HEATR6: variants seen among roughly 807,000 people sequenced by gnomAD.
HEATR6 encodes HEAT repeat-containing protein 6.
A neutral mutation model predicts 132.8 loss-of-function variants in HEATR6; 106 were observed. That is an observed-to-expected ratio of 0.80 (90% CI 0.68 to 0.94). The LOEUF is 0.94. HEATR6 is among the 40% of genes least tolerant of loss of function. HEATR6 has a pLI of 0.00. For synonymous variants in HEATR6, 529 were observed against 537.8 expected, an observed-to-expected ratio of 0.98 and a Z score of 0.23; for missense variants, 1,339 against 1,425.1, an observed-to-expected ratio of 0.94 and a Z score of 0.97.
At chr17:60,073,926 A>T in intron 2 of HEATR6, 40 bp from the exon 3 acceptor site, 1 of 1,595,430 alleles carries the variant, frequency 6.3e-7, no homozygotes, top group South Asian at 1.1e-5. Context: ...TCTAACTTTT[A>T]AAAAATATTA....
chr17:60,078,277 G>A (rs777245292), intron 1 of HEATR6, among the ~76,000 whole-genome samples: 1 of 152,208 alleles, frequency 6.6e-6, no homozygotes, highest in Non-Finnish European at 1.5e-5. Flanking sequence ...ACGAGCTTCA[G>A]TATTTTCATT....
intron 9 of HEATR6, among the ~76,000 whole-genome samples, chr17:60,062,182 A>T (rs1430276095): frequency 6.6e-6 from 1 of 152,248 alleles, no homozygotes; most frequent in Non-Finnish European, 1.5e-5. Flanking sequence ...TGAATCTGGT[A>T]CAAGTTTTGC....
At chr17:60,072,140 C>T (rs1049374050) in intron 5 of HEATR6, 75 bp downstream of exon 5, 16 of 615,356 alleles carry the variant, frequency 2.6e-5, no homozygotes, top group South Asian at 4.2e-5. Flanking sequence ...GCAAATTAAA[C>T]TCGTTAGTAA....
rs750330410 is a variant in HEATR6, at chr17:60,050,947, C to G, written c.2320G>C (p.Gly774Arg). 7.4e-6 allele frequency: 12 copies of G among 1,614,036 alleles called. No homozygotes were observed. In the Admixed American group the frequency reaches 1.7e-4, roughly 22 times the overall value. ...TTCTGCAGGGCTCTGGGTAAAGGAC[C>G]GTTCAGCATCATAGTCCAGAACATC... Reference protein sequence around the residue: ...VVMFWTMMLNGPLPRALQNSE... With the variant: ...VVMFWTMMLNRPLPRALQNSE... The change falls in exon 15 of 20, where the codon GGT becomes CGT. Residue 774 changes from glycine to arginine, a missense_variant. Transcript: ENST00000184956.
rs746518007 is a variant in HEATR6 at position 60,050,830 on chromosome 17, A to C, written c.2424+13T>G. On this transcript the variant is annotated intron_variant, in intron 15 of 19. Coordinates refer to ENST00000184956, the MANE Select transcript of HEATR6 (RefSeq NM_022070.5). ...AGCCATGATTTAAGGGTGAGAAAAC[A>C]CCCTCACATTACCGGCAGATTGCTG... is the stretch of plus-strand genomic sequence containing the variant. 8.7e-6 allele frequency: 14 copies of C among 1,613,930 alleles called. No homozygotes were observed. The highest frequency in any genetic ancestry group is 1.2e-5 in the Non-Finnish European group (14 of 1,179,882).
At chr17:60,056,831 A>C (rs966669201) in intron 12 of HEATR6, among the ~76,000 whole-genome samples, 5 of 152,336 alleles carry the variant, frequency 3.3e-5, no homozygotes, top group Admixed American at 6.5e-5. Flanking sequence ...AATAATTTGC[A>C]ATCAAAGAAC....
At chr17:60,049,009 T>TATA (rs1555666989) in intron 16 of HEATR6, among the ~76,000 whole-genome samples, 1 of 137,132 alleles carries the variant, frequency 7.3e-6, no homozygotes, top group Non-Finnish European at 1.6e-5. Context: ...TATATATATA[T>TATA]ATATATATAT....
intron 8 of HEATR6, among the ~76,000 whole-genome samples, chr17:60,066,696 TCCATCCATCC>T (rs750760238): frequency 5.3e-5 from 8 of 152,186 alleles, no homozygotes; most frequent in Non-Finnish European, 8.8e-5. Context: ...CTGCCGAGTA[TCCATCCATCC>T]ATTCAACGAA....
chr17:60,055,388 G>T, intron 14 of HEATR6, 127 bp downstream of exon 14: 1 of 573,736 alleles, frequency 1.7e-6, no homozygotes, highest in Non-Finnish European at 3.0e-6. Flanking sequence ...ATGTTTTCCT[G>T]GATTATAAAA....
intron 19 of HEATR6, among the ~76,000 whole-genome samples, chr17:60,044,881 T>G (rs1323717765): frequency 6.6e-6 from 1 of 152,232 alleles, no homozygotes; most frequent in African/African-American, 2.4e-5. Context: ...AATGGGCCAC[T>G]GCTAGAGCTA....
intron 9 of HEATR6, 44 bp downstream of exon 9, chr17:60,066,165 A>AT (rs938207945): frequency 1.1e-5 from 17 of 1,498,886 alleles, no homozygotes; most frequent in Non-Finnish European, 1.2e-5. Flanking sequence ...GGATCTGTAA[A>AT]TTTTTTCTTC....
intron 18 of HEATR6, among the ~76,000 whole-genome samples, chr17:60,046,550 G>A (rs1906373490): frequency 2.0e-5 from 3 of 152,174 alleles, no homozygotes; most frequent in African/African-American, 7.2e-5. Flanking sequence ...ACAATGAGGA[G>A]AAGCTAGGTT....
chr17:60,078,655 G>T lies in HEATR6; in HGVS notation c.219+41C>A. 3 of 1,481,952 alleles carry T rather than the reference G, an allele frequency of 2.0e-6. No homozygotes were observed. The African/African-American group carries it at 4.2e-5, about 21-fold the overall frequency. 91.8% of individuals were successfully genotyped at this position (1,481,952 alleles called of 1,614,324 possible). ...GAGGCCACCAGCTGGGTTCCCGGAG[G>T]GGTGGGGCCGGGGCCGGGGCCAGCA... On this transcript the variant is annotated intron_variant, in intron 1 of 19. Coordinates refer to ENST00000184956, the MANE Select transcript of HEATR6 (RefSeq NM_022070.5).
rs368239954 is a variant in HEATR6, at chr17:60,057,078, T to C, written c.2049A>G (p.Glu683=). ...AGGCCTCCAGTCGCATGGGGGATGG[T>C]TCGTAGGTGCTTCCTGCTGCAGAGC... ...DAGSAAGSTY[E]PSPMRLEALQ... Residue 683 remains glutamate, a synonymous_variant, in exon 12 of 20, where the codon GAA becomes GAG. Transcript: ENST00000184956. 18 of 1,611,672 alleles carry C rather than the reference T, an allele frequency of 1.1e-5. No individual in the cohort carries two copies. The highest frequency in any genetic ancestry group is 1.4e-5 in the Non-Finnish European group (17 of 1,178,606).
At position 60,041,133 on chromosome 17, in the gene HEATR6, C is replaced by A. The variant is rs1906161788; in HGVS notation, c.*2430G>T. Among the ~76,000 whole-genome samples, 1 of 152,182 alleles carries A rather than the reference C, an allele frequency of 6.6e-6. No individual in the cohort carries two copies. The highest frequency in any genetic ancestry group is 1.5e-5 in the Non-Finnish European group (1 of 68,046). On this transcript the variant is annotated 3_prime_UTR_variant, in exon 20 of 20. Transcript: ENST00000184956. ...CTTCTGTCCTTTAGTGTATGTACAC[C>A]CACAATGCTGCAGAGAAGAGAATCA...
chr17:60,070,268 G>A (rs180814917), intron 6 of HEATR6, among the ~76,000 whole-genome samples: 3 of 152,208 alleles, frequency 2.0e-5, no homozygotes, highest in East Asian at 3.9e-4. Flanking sequence ...TACTTTGCTG[G>A]CTGAAGAAGC....
At chr17:60,061,762 G>A (rs1454409060) in intron 9 of HEATR6, among the ~76,000 whole-genome samples, 1 of 152,248 alleles carries the variant, frequency 6.6e-6, no homozygotes, top group Non-Finnish European at 1.5e-5. Flanking sequence ...ACAAAAACAG[G>A]TGGTGGGCCA....
intron 18 of HEATR6, among the ~76,000 whole-genome samples, chr17:60,046,690 T>C (rs947937309): frequency 6.6e-6 from 1 of 152,228 alleles, no homozygotes; most frequent in African/African-American, 2.4e-5. Context: ...GAATTTCTGA[T>C]TGAATTACTC....
Position 60,073,879 on chromosome 17 carries a change from A to C in HEATR6, c.335T>G (p.Val112Gly), listed in dbSNP as rs1018694453. 6.2e-7 allele frequency: 1 copy of C among 1,613,326 alleles called. No individual in the cohort carries two copies. Among genetic ancestry groups the C allele is most frequent in the Non-Finnish European group, 8.5e-7 (1 of 1,179,730 alleles). The change falls in exon 3 of 20, where the codon GTT (valine) becomes GGT (glycine). Residue 112 changes from valine (V) to glycine (G), a missense_variant. Physicochemically the swap from Val to Gly is moderately radical, Grantham distance 109 (BLOSUM62 -3). Coordinates refer to ENST00000184956, the MANE Select transcript of HEATR6 (RefSeq NM_022070.5). Reference protein sequence around the residue: ...HHLLNRLQVIVDEQHLDFLLA... With the variant: ...HHLLNRLQVIGDEQHLDFLLA... ...CAGGAAATCCAAGTGCTGTTCATCAACAATTACCTAACAGGACAGGAAAAG... is the reference window on the plus strand; with the variant it reads ...CAGGAAATCCAAGTGCTGTTCATCACCAATTACCTAACAGGACAGGAAAAG...
Sources: gnomAD v4.1 joint callset for allele counts (sites outside exome capture counted in the v4.1 genomes callset) on GRCh38, gnomAD v4.1.1 for gene constraint, MANE v1.5 for transcripts, NCBI Gene and HGNC (gene_info 2026-07-23, HGNC 2026-07-21) for gene names.